The following NAA11 variants were observed in gnomAD, a reference collection of about 807,000 sequenced individuals.
NAA11 encodes N-alpha-acetyltransferase 11, NatA catalytic subunit, also known as N-alpha-acetyltransferase 11.
NAA11 carries 15 observed loss-of-function variants against 16.1 expected under a neutral mutation model. The ratio of observed to expected loss-of-function variants is 0.93; its 90% CI spans 0.62 to 1.44. The LOEUF is 1.44. NAA11 is among the 40% of genes most tolerant of loss of function. The pLI, the probability that NAA11 is intolerant of heterozygous loss-of-function variation, is 0.00. For missense variants in NAA11, 298 were observed against 291.3 expected (o/e 1.02, Z -0.17); for synonymous variants, 122 against 112.4 (o/e 1.09, Z -0.54).
chr4:79,308,782 A>G (rs1028271105), intron 1 of NAA11: 1 of 152,188 alleles, frequency 6.6e-6, no homozygotes, highest in African/African-American at 2.4e-5. Context: ...AAAACTAAAA[A>G]AAAAGCTTCA....
chr4:79,323,328 T>G (rs764821673), intron 1 of NAA11, among the ~76,000 whole-genome samples: 4 of 152,348 alleles, frequency 2.6e-5, no homozygotes, highest in Middle Eastern at 3.4e-3. Flanking sequence ...TTAAGTTGTT[T>G]CTAACATACC....
the NAA11 span, among the ~76,000 whole-genome samples, chr4:79,204,069 T>G: frequency 6.6e-6 from 1 of 151,924 alleles, no homozygotes; most frequent in Non-Finnish European, 1.5e-5. Context: ...TGTAAATTGA[T>G]ATAACTTTTC....
the NAA11 span, among the ~76,000 whole-genome samples, chr4:79,183,376 T>C: frequency 6.6e-6 from 1 of 152,158 alleles, no homozygotes. Flanking sequence ...GTGCTTGCTA[T>C]TGAGGTGGCA....
the NAA11 span, among the ~76,000 whole-genome samples, chr4:79,165,213 A>T: frequency 1.3e-5 from 2 of 152,178 alleles, no homozygotes; most frequent in Non-Finnish European, 2.9e-5. Flanking sequence ...TTTCCTAATG[A>T]TGGGGATAAT....
chr4:79,319,918 G>A (rs1357275213), intron 1 of NAA11, among the ~76,000 whole-genome samples: 1 of 152,196 alleles, frequency 6.6e-6, no homozygotes, highest in Non-Finnish European at 1.5e-5. Context: ...GACTGCTCAT[G>A]TGAACATTTA....
At chr4:79,263,692 A>G (rs1401791018) in intron 2 of NAA11, among the ~76,000 whole-genome samples, 3 of 152,132 alleles carry the variant, frequency 2.0e-5, no homozygotes, top group African/African-American at 7.2e-5. Flanking sequence ...CTCTGGTTAA[A>G]TACAACCTTT....
chr4:79,220,426 CGTGTGTGTGTCTGTGTGTGTGTGTGT>C, the NAA11 span, among the ~76,000 whole-genome samples: 1 of 131,428 alleles, frequency 7.6e-6, no homozygotes, highest in African/African-American at 3.1e-5. Flanking sequence ...GGTTTGTGTG[CGTGTGTGTGTCTGTGTGTGTGTGTGT>C]GTGTGTGTGT....
At chr4:79,293,111 A>G (rs967366745) in intron 2 of NAA11, among the ~76,000 whole-genome samples, 7 of 152,224 alleles carry the variant, frequency 4.6e-5, no homozygotes, top group African/African-American at 1.7e-4. Context: ...AATAAGAGTG[A>G]AAGTTTTTTT....
At position 79,279,275 on chromosome 4, in the gene NAA11, C is replaced by T. The variant is rs1022270990; in HGVS notation, c.*122+14730G>A. 3.9e-5 allele frequency among the ~76,000 whole-genome samples: 6 copies of T among 152,048 alleles called. No individual in the cohort carries two copies. The South Asian group carries it at 8.3e-4, about 21-fold the overall frequency. On this transcript the variant is annotated intron_variant and NMD_transcript_variant, in intron 2 of 2. Transcript: ENST00000511542. ...ACATTTTCTCATTTAATTCTCCTAA[C>T]AAATCTAGGAGATGAGCACTATTTT...
chr4:79,268,863 C>T (rs1341759704), intron 2 of NAA11, among the ~76,000 whole-genome samples: 6 of 117,366 alleles, frequency 5.1e-5, no homozygotes, highest in African/African-American at 1.6e-4. Flanking sequence ...CCCCCCACCC[C>T]ACCACAGTCC....
chr4:79,202,129 C>T, the NAA11 span, among the ~76,000 whole-genome samples: 7 of 151,552 alleles, frequency 4.6e-5, no homozygotes, highest in Non-Finnish European at 1.0e-4. Flanking sequence ...TCTCTATTTC[C>T]ATGAGATCAA....
intron 2 of NAA11, among the ~76,000 whole-genome samples, chr4:79,256,149 C>T (rs566097274): frequency 1.4e-4 from 21 of 152,174 alleles, no homozygotes; most frequent in Non-Finnish European, 2.1e-4. Context: ...TTTATTTGCC[C>T]CAGGTATTCC....
downstream of NAA11, among the ~76,000 whole-genome samples, chr4:79,313,727 G>A (rs767647318): frequency 6.8e-4 from 104 of 152,142 alleles, no homozygotes; most frequent in Admixed American, 1.4e-3. Context: ...CATGTCTAGG[G>A]AAAAGTATTA....
At chr4:79,226,154 A>G (rs568318966) in exon 3 of NAA11, 2 of 152,090 alleles carry the variant, frequency 1.3e-5, no homozygotes, top group South Asian at 2.1e-4. Flanking sequence ...AATGCCACAT[A>G]TTTCAAGATG....
At chr4:79,157,517 A>T in the NAA11 span, among the ~76,000 whole-genome samples, 3 of 151,876 alleles carry the variant, frequency 2.0e-5, no homozygotes, top group African/African-American at 7.3e-5. Flanking sequence ...ATGTATATAT[A>T]CATATATGTA....
chr4:79,275,429 T>G (rs529380400), intron 2 of NAA11, among the ~76,000 whole-genome samples: 1 of 152,172 alleles, frequency 6.6e-6, no homozygotes, highest in Non-Finnish European at 1.5e-5. Flanking sequence ...GGCAGATTTT[T>G]TCGCCCTACT....
chr4:79,177,771 G>T, the NAA11 span, among the ~76,000 whole-genome samples: 1 of 152,066 alleles, frequency 6.6e-6, no homozygotes, highest in African/African-American at 2.4e-5. Flanking sequence ...ATCTCTTATA[G>T]GTAGTTTGGC....
chr4:79,175,783 A>G, the NAA11 span, among the ~76,000 whole-genome samples: 1 of 145,400 alleles, frequency 6.9e-6, no homozygotes, highest in African/African-American at 2.5e-5. Flanking sequence ...CTCCAGTGTT[A>G]TTCTTCTCTC....
chr4:79,171,890 T>C, the NAA11 span, among the ~76,000 whole-genome samples: 6 of 152,182 alleles, frequency 3.9e-5, no homozygotes, highest in African/African-American at 7.2e-5. Context: ...ATTTGGTTGA[T>C]CTGCTATTTG....
Sources: allele counts gnomAD v4.1 joint callset (sites outside exome capture counted in the v4.1 genomes callset), GRCh38; gene constraint gnomAD v4.1.1; transcripts MANE v1.5; gene names NCBI Gene and HGNC (gene_info 2026-07-23, HGNC 2026-07-21).